The following PTPRG variants were observed in gnomAD, a reference collection of about 807,000 sequenced individuals.
PTPRG encodes the protein receptor-type tyrosine-protein phosphatase gamma.
PTPRG carries 102 observed loss-of-function variants against 165.3 expected under a neutral mutation model. That is an observed-to-expected ratio of 0.62 (90% CI 0.53 to 0.73). PTPRG has a LOEUF of 0.73. Ranked by LOEUF, PTPRG falls within the 30% of genes least tolerant of loss-of-function variation. PTPRG has a pLI of 0.00. For missense variants in PTPRG, 1,866 were observed against 1,861.4 expected (o/e 1.00, Z -0.05); for synonymous variants, 675 against 669.5 (o/e 1.01, Z -0.13).
chr3:62,036,654 A>G (rs1000510745), intron 4 of PTPRG, among the ~76,000 whole-genome samples: 2 of 152,188 alleles, frequency 1.3e-5, no homozygotes, highest in Admixed American at 6.5e-5. Flanking sequence ...TAGATATGCA[A>G]CTTCTTGGGA....
chr3:61,788,560 G>C (rs1439590398), intron 2 of PTPRG, among the ~76,000 whole-genome samples: 1 of 152,198 alleles, frequency 6.6e-6, no homozygotes. Context: ...TGAAGGAATT[G>C]CTAAATGCTG....
At chr3:61,695,495 G>A (rs2030518816) in intron 1 of PTPRG, among the ~76,000 whole-genome samples, 1 of 152,174 alleles carries the variant, frequency 6.6e-6, no homozygotes. Flanking sequence ...TTCTCTCTAT[G>A]AGAACAAGTT....
chr3:62,055,902 A>G (rs1471855092), intron 4 of PTPRG, among the ~76,000 whole-genome samples: 1 of 152,136 alleles, frequency 6.6e-6, no homozygotes, highest in Non-Finnish European at 1.5e-5. Flanking sequence ...CTGTTTATAA[A>G]TTTTCCAAAT....
intron 2 of PTPRG, among the ~76,000 whole-genome samples, chr3:61,980,388 C>T (rs915467458): frequency 6.6e-6 from 1 of 152,164 alleles, no homozygotes; most frequent in Non-Finnish European, 1.5e-5. Flanking sequence ...AAATTTACAG[C>T]AATGGACTTC....
intron 2 of PTPRG, among the ~76,000 whole-genome samples, chr3:61,897,546 A>C (rs191117900): frequency 2.0e-3 from 305 of 152,254 alleles, no homozygotes; most frequent in African/African-American, 6.6e-3. Flanking sequence ...TTGTTCTGTC[A>C]AGATTTTTGT....
chr3:62,291,713 T>TC (rs1702904475), intron 28 of PTPRG, among the ~76,000 whole-genome samples: 1 of 152,202 alleles, frequency 6.6e-6, no homozygotes, highest in Non-Finnish European at 1.5e-5. Context: ...ACAATTCATT[T>TC]AATCCATCTG....
rs1034933060 is a variant in PTPRG, at chr3:62,135,762, T to C, written c.682+3094T>C. On this transcript the variant is annotated intron_variant, in intron 6 of 29. Coordinates refer to ENST00000474889, the MANE Select transcript of PTPRG (RefSeq NM_002841.4). ...GTGGGGAGAGCGTTTGGGCCACGCA[T>C]AGTGCAGGTCTGACACCTCTGCAAG... Among the ~76,000 whole-genome samples, 5 of 152,092 alleles carry C rather than the reference T, an allele frequency of 3.3e-5. 1 individual carries two copies. The highest frequency in any genetic ancestry group is 4.1e-4 in the South Asian group (2 of 4,826).
At chr3:61,926,939 A>C (rs2039230026) in intron 2 of PTPRG, among the ~76,000 whole-genome samples, 2 of 152,106 alleles carry the variant, frequency 1.3e-5, no homozygotes, top group South Asian at 2.1e-4. Context: ...AAATCTGTAC[A>C]TGTTGTCCTT....
At position 62,295,634 on chromosome 3, in the gene PTPRG, A is replaced by C. The variant is rs1258925420; in HGVS notation, c.*2327A>C. The C allele has an allele frequency of 6.6e-6, 1 of 152,090 alleles. No homozygotes were observed. The highest frequency in any genetic ancestry group is 2.4e-5 in the African/African-American group (1 of 41,424). 9.4% of individuals were successfully genotyped at this position (152,090 alleles called of 1,614,324 possible). On this transcript the variant is annotated 3_prime_UTR_variant, in exon 30 of 30. Transcript: ENST00000474889. Reference sequence around the variant, plus strand: ...AAATAGGATAGAAACAATAAAAGAAAGAGTTTAGAAGTTCCCTGTGAGCAA... The same window carrying C: ...AAATAGGATAGAAACAATAAAAGAACGAGTTTAGAAGTTCCCTGTGAGCAA...
At chr3:61,984,802 C>G (rs1056001890) in intron 2 of PTPRG, among the ~76,000 whole-genome samples, 1 of 152,226 alleles carries the variant, frequency 6.6e-6, no homozygotes, top group African/African-American at 2.4e-5. Flanking sequence ...TCTCCTTAAT[C>G]TTCTCTGATC....
rs11718708 is a variant in PTPRG at position 61,656,051 on chromosome 3, C to A, written c.86-92827C>A. On this transcript the variant is annotated intron_variant, in intron 1 of 29. Coordinates refer to ENST00000474889, the MANE Select transcript of PTPRG (RefSeq NM_002841.4). ...GCAACATAGCAAGACCCCCCCCCCC[C>A]CGACCATCTCTAAAGAAAATAAAAT... Among the ~76,000 whole-genome samples the A allele has an allele frequency of 4.9e-5, 7 of 141,442 alleles. No individual in the cohort carries two copies. In the East Asian group the frequency reaches 8.5e-4, roughly 17 times the overall value. 92.8% of individuals were successfully genotyped at this position (141,442 alleles called of 152,430 possible). A position where few individuals can be genotyped will look rare whatever the true frequency, so the allele number is the denominator to read the frequency against.
At chr3:62,128,573 A>T (rs9873324) in intron 5 of PTPRG, among the ~76,000 whole-genome samples, 3,592 of 151,698 alleles carry the variant, frequency 0.024, 157 homozygotes, top group African/African-American at 0.083. Context: ...TGGATGTGGC[A>T]TTTGTACTCA....
At chr3:62,068,883 G>C (rs956841240) in intron 4 of PTPRG, among the ~76,000 whole-genome samples, 2 of 152,176 alleles carry the variant, frequency 1.3e-5, no homozygotes, top group African/African-American at 4.8e-5. Flanking sequence ...AATAATTAAG[G>C]ATTAGTGTAC....
At chr3:61,567,317 A>G (rs933244820) in intron 1 of PTPRG, among the ~76,000 whole-genome samples, 2 of 152,086 alleles carry the variant, frequency 1.3e-5, no homozygotes, top group African/African-American at 2.4e-5. Context: ...CTGCTCTGTG[A>G]GGGCTTCTTG....
At chr3:61,934,789 T>C (rs730749) in intron 2 of PTPRG, among the ~76,000 whole-genome samples, 116,436 of 152,034 alleles carry the variant, frequency 0.77, 44,853 homozygotes, top group Middle Eastern at 0.85. Context: ...CAGCAGCCAC[T>C]GACCTGGGGG....
At chr3:61,568,055 C>G (rs1699962683) in intron 1 of PTPRG, among the ~76,000 whole-genome samples, 2 of 151,536 alleles carry the variant, frequency 1.3e-5, no homozygotes, top group Non-Finnish European at 2.9e-5. Flanking sequence ...AGGACTAGGG[C>G]AACATTCTGT....
At position 61,792,700 on chromosome 3, in the gene PTPRG, CTT is replaced by C. The variant is rs1169006972; in HGVS notation, c.190+43720_190+43721del. ...TCTTTCTTTCTTTCTTTCTTTCTTTCTTTCTTTCTTTCTTTCTTTCTTTCTTT... is the reference window on the plus strand; with the variant it reads ...TCTTTCTTTCTTTCTTTCTTTCTTTCTCTTTCTTTCTTTCTTTCTTTCTTT... On this transcript the variant is annotated intron_variant, in intron 2 of 29. Transcript: ENST00000474889. 1.2e-4 allele frequency among the ~76,000 whole-genome samples: 11 copies of C among 92,142 alleles called. No homozygotes were observed. The East Asian group carries it at 5.5e-3, about 46-fold the overall frequency. 60.4% of individuals were successfully genotyped at this position (92,142 alleles called of 152,430 possible).
chr3:61,678,098 G>T (rs1259367088), intron 1 of PTPRG, among the ~76,000 whole-genome samples: 1 of 152,136 alleles, frequency 6.6e-6, no homozygotes, highest in Non-Finnish European at 1.5e-5. Flanking sequence ...TGAATGAGGG[G>T]CTGTGGCTGG....
chr3:61,718,328 T>C (rs927604823), intron 1 of PTPRG, among the ~76,000 whole-genome samples: 7 of 152,168 alleles, frequency 4.6e-5, no homozygotes, highest in Non-Finnish European at 8.8e-5. Flanking sequence ...CATTTTATAT[T>C]CTTAGCTAAT....
Sources: gnomAD v4.1 joint callset for allele counts (sites outside exome capture counted in the v4.1 genomes callset) on GRCh38, gnomAD v4.1.1 for gene constraint, MANE v1.5 for transcripts, NCBI Gene and HGNC (gene_info 2026-07-23, HGNC 2026-07-21) for gene names.